The following PATJ variants were observed in gnomAD, a reference collection of about 807,000 sequenced individuals.
The protein encoded by PATJ is PATJ crumbs cell polarity complex component.
A neutral mutation model predicts 224.9 loss-of-function variants in PATJ; 190 were observed. That is an observed-to-expected ratio of 0.84 (90% CI 0.75 to 0.95). PATJ has a LOEUF of 0.95. Among genes scored for constraint, PATJ ranks in the 40% least tolerant of loss-of-function variants. PATJ has a pLI of 0.00. For synonymous variants in PATJ, 769 were observed against 820.3 expected (o/e 0.94, Z 1.07); for missense variants, 2,121 against 2,270.3 (o/e 0.93, Z 1.34).
At chr1:61,819,099 GT>G in intron 14 of PATJ, among the ~76,000 whole-genome samples, 1 of 152,274 alleles carries the variant, frequency 6.6e-6, no homozygotes, top group East Asian at 1.9e-4. Flanking sequence ...CCATCCCCCA[GT>G]AGGCTTTTTT....
chr1:62,068,949 C>G (rs935423598), intron 31 of PATJ, among the ~76,000 whole-genome samples: 2 of 152,148 alleles, frequency 1.3e-5, no homozygotes, highest in Non-Finnish European at 2.9e-5. Context: ...GTCCCCAAAC[C>G]TCAGTTTTGA....
intron 1 of PATJ, among the ~76,000 whole-genome samples, chr1:61,760,357 C>A (rs1469494211): frequency 6.6e-6 from 1 of 152,026 alleles, no homozygotes; most frequent in Non-Finnish European, 1.5e-5. Context: ...GTCATTCAGC[C>A]ACCATATCCA....
rs1014229697 is a variant in PATJ at position 61,796,103 on chromosome 1, A to C, written c.1260+545A>C. Among the ~76,000 whole-genome samples the C allele has an allele frequency of 1.3e-5, 2 of 152,218 alleles. 1 individual carries two copies. Among genetic ancestry groups the C allele is most frequent in the Admixed American group, 1.3e-4 (2 of 15,282 alleles). On this transcript the variant is annotated intron_variant, in intron 10 of 43. Coordinates refer to ENST00000642238, the MANE Select transcript of PATJ (RefSeq NM_001350145.3). ...AATGTCTATACATATGTATACACAC[A>C]CATTGCTTAACATAGAAACAAATGC...
intron 14 of PATJ, among the ~76,000 whole-genome samples, chr1:61,809,576 G>A (rs964751036): frequency 6.6e-6 from 1 of 151,646 alleles, no homozygotes; most frequent in Admixed American, 6.6e-5. Flanking sequence ...CAGTAGAGAC[G>A]AGGTTTCTCC....
intron 14 of PATJ, among the ~76,000 whole-genome samples, chr1:61,814,547 T>TGTGTGTGTGTGTGTGTGTGCGC (rs370488022): frequency 3.8e-4 from 54 of 142,562 alleles, no homozygotes; most frequent in African/African-American, 1.2e-3. Flanking sequence ...TGTGTGTGTG[T>TGTGTGTGTGTGTGTGTGTGCGC]GCGCGCGCGC....
intron 27 of PATJ, among the ~76,000 whole-genome samples, chr1:61,970,553 T>G (rs61775622): frequency 0.015 from 2,348 of 152,248 alleles, 18 homozygotes; most frequent in Non-Finnish European, 0.025. Context: ...AGTGCAGTGG[T>G]GCGATGACAG....
intron 33 of PATJ, among the ~76,000 whole-genome samples, chr1:62,096,474 C>T (rs2148816013): frequency 6.6e-6 from 1 of 152,212 alleles, no homozygotes; most frequent in East Asian, 1.9e-4. Flanking sequence ...TGAGCTTAAT[C>T]CTGAGTAGTC....
intron 26 of PATJ, among the ~76,000 whole-genome samples, chr1:61,922,738 G>A (rs1674511035): frequency 6.6e-6 from 1 of 152,170 alleles, no homozygotes; most frequent in Non-Finnish European, 1.5e-5. Flanking sequence ...CTACCCTATT[G>A]CTGGAATTTT....
chr1:61,949,417 A>C (rs914776548), intron 27 of PATJ, among the ~76,000 whole-genome samples: 2 of 150,906 alleles, frequency 1.3e-5, no homozygotes, highest in Admixed American at 6.6e-5. Flanking sequence ...CACAACTCCA[A>C]TATACTAAAA....
rs192420064 is a variant in PATJ, at chr1:61,990,148, T to A, written c.3671-20T>A. The A allele has an allele frequency of 2.0e-4, 310 of 1,545,556 alleles. No individual in the cohort carries two copies. Among genetic ancestry groups the A allele is most frequent in the South Asian group, 5.1e-4 (42 of 82,946 alleles). On this transcript the variant is annotated intron_variant, in intron 27 of 43. Transcript: ENST00000642238. ...CAGATCAAGCTACTCTATTTAATTT[T>A]AAAAAAATTCTTTTAATAGAAAAAA...
chr1:61,811,487 G>C (rs1654755655), intron 14 of PATJ, among the ~76,000 whole-genome samples: 1 of 151,904 alleles, frequency 6.6e-6, no homozygotes, highest in Non-Finnish European at 1.5e-5. Flanking sequence ...GCCTCCTAAA[G>C]TGCTGGGATT....
chr1:61,994,829 C>T lies in PATJ; in HGVS notation c.3867+4465C>T, dbSNP rs1007624672. Among the ~76,000 whole-genome samples, 10 of 152,304 alleles carry T rather than the reference C, an allele frequency of 6.6e-5. No homozygotes were observed. In the East Asian group the frequency reaches 1.9e-3, roughly 29 times the overall value. On this transcript the variant is annotated intron_variant, in intron 28 of 43. Coordinates refer to ENST00000642238, the MANE Select transcript of PATJ (RefSeq NM_001350145.3). ...TCAGCCTCTCAAAGTGCTGGGATTACAGGGGTGAGCCACCATGCCCAGCCC... is the reference window on the plus strand; with the variant it reads ...TCAGCCTCTCAAAGTGCTGGGATTATAGGGGTGAGCCACCATGCCCAGCCC...
chr1:61,769,388 G>A lies in PATJ; in HGVS notation c.490G>A (p.Val164Met), dbSNP rs560787067. 80 of 1,614,078 alleles carry A rather than the reference G, an allele frequency of 5.0e-5. No individual in the cohort carries two copies. The highest frequency in any genetic ancestry group is 1.6e-4 in the Middle Eastern group (1 of 6,062). ...AAATCTCGGAAAAGTTGATATCTTCGTGAAGGATGTCCAGCCAGGGAGTGT... is the reference window on the plus strand; with the variant it reads ...AAATCTCGGAAAAGTTGATATCTTCATGAAGGATGTCCAGCCAGGGAGTGT... Reference protein sequence around the residue: ...SQNLGKVDIFVKDVQPGSVAD... With the variant: ...SQNLGKVDIFMKDVQPGSVAD... Residue 164 changes from valine to methionine, a missense_variant, in exon 5 of 44, where the codon GTG (valine) becomes ATG (methionine). Physicochemically the swap from Val to Met is conservative, Grantham distance 21. Coordinates refer to ENST00000642238, the MANE Select transcript of PATJ (RefSeq NM_001350145.3).
chr1:62,012,126 CTT>C (rs1646488406), intron 28 of PATJ, among the ~76,000 whole-genome samples: 1 of 152,108 alleles, frequency 6.6e-6, no homozygotes, highest in East Asian at 1.9e-4. Flanking sequence ...TTGATACTGA[CTT>C]TTTTATCTCA....
intron 28 of PATJ, among the ~76,000 whole-genome samples, chr1:62,007,446 T>C (rs1358343854): frequency 6.6e-6 from 1 of 152,238 alleles, no homozygotes; most frequent in Non-Finnish European, 1.5e-5. Context: ...TTTTTTCTTC[T>C]TTTGTATCTT....
chr1:62,160,823 C>G, intron 43 of PATJ, 85 bp from the exon 44 acceptor site: 1 of 1,430,942 alleles, frequency 7.0e-7, no homozygotes, highest in South Asian at 1.3e-5. Flanking sequence ...AATATGCACA[C>G]CAGACAGATG....
intron 31 of PATJ, among the ~76,000 whole-genome samples, chr1:62,058,649 T>A (rs1437240661): frequency 1.3e-5 from 2 of 152,198 alleles, no homozygotes; most frequent in Admixed American, 1.3e-4. Context: ...ACACAGCACG[T>A]GGCATGCAGT....
intron 41 of PATJ, among the ~76,000 whole-genome samples, chr1:62,147,935 C>T (rs923553787): frequency 2.6e-5 from 4 of 151,500 alleles, no homozygotes; most frequent in African/African-American, 9.7e-5. Context: ...TGCACTCCAG[C>T]CTGGGTGACA....
chr1:61,909,771 G>A (rs1042620753), intron 25 of PATJ, among the ~76,000 whole-genome samples: 24 of 152,052 alleles, frequency 1.6e-4, no homozygotes, highest in Admixed American at 1.6e-3. Flanking sequence ...GTATGTCAAG[G>A]CAAAAAGAAA....
Sources: gnomAD v4.1 joint callset for allele counts (sites outside exome capture counted in the v4.1 genomes callset) on GRCh38, gnomAD v4.1.1 for gene constraint, MANE v1.5 for transcripts, NCBI Gene and HGNC (gene_info 2026-07-23, HGNC 2026-07-21) for gene names.